The following PLCD1 variants were observed in gnomAD, a reference collection of about 807,000 sequenced individuals.
PLCD1 encodes phospholipase C delta 1.
Under a neutral mutation model 87.4 loss-of-function variants are expected in PLCD1, and 71 were observed. The observed-to-expected ratio is 0.81, with a 90% confidence interval of 0.67 to 0.99. PLCD1 has a LOEUF of 0.99. Among genes scored for constraint, PLCD1 ranks in the 50% least tolerant of loss-of-function variants. PLCD1 has a pLI of 0.00. For synonymous variants in PLCD1, 348 were observed against 399.2 expected, an observed-to-expected ratio of 0.87 and a Z score of 1.53; for missense variants, 867 against 1,001.5, an observed-to-expected ratio of 0.87 and a Z score of 1.81.
intron 3 of PLCD1, among the ~76,000 whole-genome samples, chr3:38,013,177 G>A (rs111288545): frequency 0.036 from 5,294 of 147,112 alleles, 138 homozygotes; most frequent in African/African-American, 0.076. Context: ...GGTGTGAGCC[G>A]CCGAGCCCAG....
At chr3:38,028,293 T>A (rs1700328302) in intron 1 of PLCD1, among the ~76,000 whole-genome samples, 1 of 152,154 alleles carries the variant, frequency 6.6e-6, no homozygotes, top group African/African-American at 2.4e-5. Context: ...CCATGACTCA[T>A]CTAGACAAGG....
At position 38,009,260 on chromosome 3, in the gene PLCD1, G is replaced by C; in HGVS notation, c.1606+12C>G. The C allele has an allele frequency of 6.2e-7, 1 of 1,614,024 alleles. No homozygotes were observed. The highest frequency in any genetic ancestry group is 8.5e-7 in the Non-Finnish European group (1 of 1,179,904). ...TAACAGAGCAGGGGAGTGGTGGGGA[G>C]CCAGGCCTCACCTGATTCTTGGAGC... On this transcript the variant is annotated intron_variant, in intron 10 of 14. Coordinates refer to ENST00000334661, the MANE Select transcript of PLCD1 (RefSeq NM_006225.4).
In PLCD1 at chr3:38,020,193, T is replaced by TGGGACTCCGGGGTCCGCATGACCTTGC; in HGVS notation, c.167_193dup (p.Arg56_Ser64dup). 1.2e-6 allele frequency: 2 copies of TGGGACTCCGGGGTCCGCATGACCTTGC among 1,613,858 alleles called. No individual in the cohort carries two copies. Among genetic ancestry groups the TGGGACTCCGGGGTCCGCATGACCTTGC allele is most frequent in the Non-Finnish European group, 1.7e-6 (2 of 1,179,864 alleles). The stretch of plus-strand genomic sequence containing the variant: ...TGTGACCCCAGGGCACTCACACAGC[T>TGGGACTCCGGGGTCCGCATGACCTTGC]GGGACTCCGGGGTCCGCATGACCTT... On this transcript the variant is annotated inframe_insertion, in exon 2 of 15. Coordinates refer to ENST00000334661, the MANE Select transcript of PLCD1 (RefSeq NM_006225.4).
intron 11 of PLCD1, 48 bp downstream of exon 11, chr3:38,008,994 G>T: frequency 6.7e-7 from 1 of 1,493,036 alleles, no homozygotes; most frequent in Non-Finnish European, 9.3e-7. Context: ...CCCGGCCTTG[G>T]GACTGAAACC....
At position 38,023,711 on chromosome 3, in the gene PLCD1, G is replaced by A. The variant is rs141224217; in HGVS notation, c.35-3359C>T. On this transcript the variant is annotated intron_variant, in intron 1 of 14. Coordinates refer to ENST00000334661, the MANE Select transcript of PLCD1 (RefSeq NM_006225.4). ...TGACAGAACCACTCAGTCACCCTAG[G>A]TCACCCACTGTCACATTGGTTATAC... 8.6e-5 allele frequency among the ~76,000 whole-genome samples: 13 copies of A among 151,808 alleles called. No individual in the cohort carries two copies. The South Asian group carries it at 1.5e-3, about 17-fold the overall frequency.
intron 13 of PLCD1, 23 bp downstream of exon 13, chr3:38,008,212 C>G (rs771579284): frequency 6.2e-7 from 1 of 1,613,816 alleles, no homozygotes; most frequent in Non-Finnish European, 8.5e-7. Context: ...GCCCTAGTAG[C>G]CCAGCCCAGG....
intron 3 of PLCD1, 130 bp from the exon 4 acceptor site, chr3:38,011,803 A>G: frequency 1.2e-6 from 1 of 829,648 alleles, no homozygotes; most frequent in Non-Finnish European, 2.1e-6. Flanking sequence ...CTACACATCC[A>G]TGTTTCAGTG....
intron 10 of PLCD1, 38 bp from the exon 11 acceptor site, chr3:38,009,196 C>G: frequency 6.2e-7 from 1 of 1,612,652 alleles, no homozygotes; most frequent in African/African-American, 1.3e-5. Flanking sequence ...GTGGAGGCCT[C>G]CTGGTGAGGC....
chr3:38,008,894 C>T (rs1700014808), intron 11 of PLCD1, 148 bp downstream of exon 11: 4 of 698,422 alleles, frequency 5.7e-6, no homozygotes, highest in Admixed American at 2.3e-5. Context: ...CAGATATTTC[C>T]AGACTGATAT....
intron 3 of PLCD1, among the ~76,000 whole-genome samples, chr3:38,016,114 A>C (rs950931922): frequency 1.3e-5 from 2 of 152,134 alleles, no homozygotes; most frequent in African/African-American, 2.4e-5. Flanking sequence ...ATATTTGGAG[A>C]TAAGGCCTTT....
At position 38,025,198 on chromosome 3, in the gene PLCD1, A is replaced by G. The variant is rs1374487405; in HGVS notation, c.34+4308T>C. Among the ~76,000 whole-genome samples the G allele has an allele frequency of 1.3e-5, 2 of 151,858 alleles. No homozygotes were observed. Among genetic ancestry groups the G allele is most frequent in the Non-Finnish European group, 2.9e-5 (2 of 67,926 alleles). ...CGCACTGGAAGGGCGGTGTCCAGGC[A>G]GGGAGGGGCGGTCCCTCGGCTTTGG... On this transcript the variant is annotated intron_variant, in intron 1 of 14. Coordinates refer to ENST00000334661, the MANE Select transcript of PLCD1 (RefSeq NM_006225.4). The surrounding 1 kb of genome is among the most constrained non-coding windows in gnomAD (Gnocchi z 4.0).
At chr3:38,011,132 T>G in intron 5 of PLCD1, 82 bp downstream of exon 5, 1 of 1,120,004 alleles carries the variant, frequency 8.9e-7, no homozygotes, top group Non-Finnish European at 1.3e-6. Context: ...GTTCCCTTCT[T>G]TCTGGCTGCA....
chr3:38,016,698 T>C lies in PLCD1; in HGVS notation c.221A>G (p.Glu74Gly). ...CTCCGTGCGGTGCCCCATTCGCACCTCCTGAATGTCCTCGATGGAGACTGC... is the reference window on the plus strand; with the variant it reads ...CTCCGTGCGGTGCCCCATTCGCACCCCCTGAATGTCCTCGATGGAGACTGC... ...SQLFSIEDIQ[E>G]VRMGHRTEGL... The change falls in exon 3 of 15, where the codon GAG (glutamate) becomes GGG (glycine). Residue 74 changes from glutamate (E) to glycine (G), a missense_variant. By Grantham distance (98) the Glu-to-Gly change is moderately conservative (BLOSUM62 -2). Coordinates refer to ENST00000334661, the MANE Select transcript of PLCD1 (RefSeq NM_006225.4). 6.4e-7 allele frequency: 1 copy of C among 1,561,266 alleles called. No homozygotes were observed. Among genetic ancestry groups the C allele is most frequent in the Non-Finnish European group, 8.7e-7 (1 of 1,151,440 alleles).
At chr3:38,014,028 C>T (rs546879689) in intron 3 of PLCD1, among the ~76,000 whole-genome samples, 1 of 151,858 alleles carries the variant, frequency 6.6e-6, no homozygotes, top group South Asian at 2.1e-4. Context: ...TGTTTAAGTG[C>T]AAAACCTGGA....
chr3:38,012,031 C>CTT (rs763245915), intron 3 of PLCD1, among the ~76,000 whole-genome samples: 15 of 137,642 alleles, frequency 1.1e-4, no homozygotes, highest in African/African-American at 2.2e-4. Flanking sequence ...TTTTCCTTTT[C>CTT]TTTTTTTTTT....
Position 38,022,754 on chromosome 3 carries a change from C to T in PLCD1, c.35-2402G>A, listed in dbSNP as rs577479263. ...GAAACCTGGGCAGGTGCCCTCATCT[C>T]TTAGCCTCATTTGGGGCCCTTCTGT... On this transcript the variant is annotated intron_variant, in intron 1 of 14. Transcript: ENST00000334661. Among the ~76,000 whole-genome samples, 6 of 152,278 alleles carry T rather than the reference C, an allele frequency of 3.9e-5. No individual in the cohort carries two copies. In the East Asian group the frequency reaches 1.2e-3, roughly 29 times the overall value.
rs1448917897 is a variant in PLCD1, at chr3:38,029,551, G to C, written c.-12C>G. On this transcript the variant is annotated 5_prime_UTR_variant, in exon 1 of 15. Transcript: ENST00000334661. Reference sequence around the variant, plus strand: ...CGGCCCGAGTCCATGCCCGACGGGCGGCGCGGCGGGAGGGGCACCGCGGGA... The same window carrying C: ...CGGCCCGAGTCCATGCCCGACGGGCCGCGCGGCGGGAGGGGCACCGCGGGA... The C allele has an allele frequency of 5.9e-6, 9 of 1,536,686 alleles. No individual in the cohort carries two copies. Among genetic ancestry groups the C allele is most frequent in the Non-Finnish European group, 6.1e-6 (7 of 1,146,142 alleles).
In PLCD1 at chr3:38,025,668, T is replaced by A. The variant is rs776490984; in HGVS notation, c.34+3838A>T. Among the ~76,000 whole-genome samples, 1 of 152,196 alleles carries A rather than the reference T, an allele frequency of 6.6e-6. No individual in the cohort carries two copies. The highest frequency in any genetic ancestry group is 2.1e-4 in the South Asian group (1 of 4,824). On this transcript the variant is annotated intron_variant, in intron 1 of 14. Transcript: ENST00000334661. The surrounding 1 kb of genome is among the most constrained non-coding windows in gnomAD (Gnocchi z 4.0). ...ACCCAGGGTGGCTTTCATAAATACA[T>A]GAGAACGACTGTAACTTTGCACAAA...
chr3:38,009,547 A>C (rs1046522439), intron 9 of PLCD1, 106 bp downstream of exon 9: 19 of 1,553,424 alleles, frequency 1.2e-5, no homozygotes, highest in Non-Finnish European at 1.7e-5. Flanking sequence ...AGAGCGGGGC[A>C]GAGGGTCTGA....
Sources: allele counts gnomAD v4.1 joint callset (sites outside exome capture counted in the v4.1 genomes callset), GRCh38; gene constraint gnomAD v4.1.1; non-coding constraint Gnocchi (gnomAD v3.1); transcripts MANE v1.5; gene names NCBI Gene and HGNC (gene_info 2026-07-23, HGNC 2026-07-21).